ATRNL1: variants seen among roughly 807,000 people sequenced by gnomAD.
ATRNL1 encodes attractin-like protein 1.
A neutral mutation model predicts 182.7 loss-of-function variants in ATRNL1; 95 were observed. The observed-to-expected ratio is 0.52, with a 90% CI of 0.44 to 0.62. ATRNL1 has a LOEUF of 0.62. ATRNL1 is among the 20% of genes least tolerant of loss of function. ATRNL1 has a pLI of 0.00. For synonymous variants in ATRNL1, 576 were observed against 568.3 expected, an observed-to-expected ratio of 1.01 and a Z score of -0.19; for missense variants, 1,471 against 1,679.5, an observed-to-expected ratio of 0.88 and a Z score of 2.17.
chr10:115,115,994 G>T (rs1554869846), intron 1 of ATRNL1, among the ~76,000 whole-genome samples: 2 of 152,056 alleles, frequency 1.3e-5, no homozygotes, highest in African/African-American at 4.8e-5. Context: ...TATTGACAAG[G>T]CATATGGATA....
At chr10:115,798,823 C>CTTTTTTTTTTTTTTTTTTTT (rs1252402876) in intron 27 of ATRNL1, among the ~76,000 whole-genome samples, 1 of 122,000 alleles carries the variant, frequency 8.2e-6, no homozygotes. Flanking sequence ...TCTTTTTTTT[C>CTTTTTTTTTTTTTTTTTTTT]TTTTTTCTTT....
chr10:115,703,882 C>T (rs1435939715), intron 26 of ATRNL1, among the ~76,000 whole-genome samples: 3 of 151,792 alleles, frequency 2.0e-5, no homozygotes, highest in South Asian at 2.1e-4. Context: ...TAGATTTAGG[C>T]CTCTTATCAA....
intron 27 of ATRNL1, among the ~76,000 whole-genome samples, chr10:115,816,615 GACACACACAC>G (rs35920402): frequency 6.7e-6 from 1 of 150,140 alleles, no homozygotes; most frequent in South Asian, 2.1e-4. Flanking sequence ...GACACACACA[GACACACACAC>G]ACACACACAC....
At chr10:115,766,815 A>G (rs1354173109) in intron 27 of ATRNL1, among the ~76,000 whole-genome samples, 24 of 152,206 alleles carry the variant, frequency 1.6e-4, no homozygotes, top group Non-Finnish European at 1.2e-4. Context: ...CTTCTCTAGA[A>G]TTATATCAAC....
Position 115,824,956 on chromosome 10 carries a change from C to G in ATRNL1, c.3904-22921C>G, listed in dbSNP as rs183933117. Among the ~76,000 whole-genome samples, 353 of 152,240 alleles carry G rather than the reference C, an allele frequency of 2.3e-3. 1 individual carries two copies. Among genetic ancestry groups the G allele is most frequent in the African/African-American group, 8.2e-3 (340 of 41,548 alleles). Reference sequence around the variant, plus strand: ...ACATGCTCACATATGTTTATTGCAGCACTGTTCACAATAGCAAAGACTTGG... The same window carrying G: ...ACATGCTCACATATGTTTATTGCAGGACTGTTCACAATAGCAAAGACTTGG... On this transcript the variant is annotated intron_variant, in intron 27 of 28. Transcript: ENST00000355044.
intron 19 of ATRNL1, among the ~76,000 whole-genome samples, chr10:115,345,238 T>C (rs1338791151): frequency 6.6e-6 from 1 of 152,248 alleles, no homozygotes; most frequent in African/African-American, 2.4e-5. Flanking sequence ...CAGAGCATTT[T>C]AGCCCTTGGT....
chr10:115,555,827 A>G (rs1853282401), intron 26 of ATRNL1, among the ~76,000 whole-genome samples: 1 of 152,056 alleles, frequency 6.6e-6, no homozygotes, highest in East Asian at 1.9e-4. Flanking sequence ...ATATAAACAA[A>G]TAGTCAAATA....
chr10:115,705,698 T>C (rs751228049), intron 26 of ATRNL1, among the ~76,000 whole-genome samples: 1 of 151,942 alleles, frequency 6.6e-6, no homozygotes, highest in Non-Finnish European at 1.5e-5. Flanking sequence ...AATATGCATG[T>C]CCTATAAGAT....
rs571438574 is a variant in ATRNL1, at chr10:115,106,518, T to G, written c.293+12475T>G. On this transcript the variant is annotated intron_variant, in intron 1 of 28. Transcript: ENST00000355044. Reference sequence around the variant, plus strand: ...TGATATGGTTTGGCTGTGTTCCCATTCAAGCCTCAGTTTGAATTGTATCTC... The same window carrying G: ...TGATATGGTTTGGCTGTGTTCCCATGCAAGCCTCAGTTTGAATTGTATCTC... Among the ~76,000 whole-genome samples the G allele has an allele frequency of 2.6e-5, 4 of 152,318 alleles. No homozygotes were observed. The South Asian group carries it at 8.3e-4, about 32-fold the overall frequency.
At chr10:115,128,207 GA>G (rs1845058856) in intron 4 of ATRNL1, among the ~76,000 whole-genome samples, 1 of 152,088 alleles carries the variant, frequency 6.6e-6, no homozygotes, top group African/African-American at 2.4e-5. Context: ...GACACATGAG[GA>G]AATTGTGGCT....
intron 27 of ATRNL1, among the ~76,000 whole-genome samples, chr10:115,766,209 G>A (rs1555075023): frequency 6.6e-6 from 1 of 152,162 alleles, no homozygotes; most frequent in African/African-American, 2.4e-5. Context: ...AATCATAGAA[G>A]TCAAATTGCT....
chr10:115,224,716 A>ATT (rs1564833754), intron 9 of ATRNL1, among the ~76,000 whole-genome samples: 3 of 152,216 alleles, frequency 2.0e-5, no homozygotes, highest in Non-Finnish European at 2.9e-5. Context: ...TATGACCGTA[A>ATT]ATTTGAAAAA....
chr10:115,817,486 C>T (rs1243456375), intron 27 of ATRNL1, among the ~76,000 whole-genome samples: 2 of 151,904 alleles, frequency 1.3e-5, no homozygotes, highest in African/African-American at 4.8e-5. Flanking sequence ...GAGACACAGC[C>T]TTTTATCTGA....
intron 19 of ATRNL1, among the ~76,000 whole-genome samples, chr10:115,348,967 C>T (rs1208793467): frequency 5.9e-5 from 9 of 152,126 alleles, no homozygotes; most frequent in African/African-American, 1.9e-4. Flanking sequence ...TGTGAATGCT[C>T]CAAGTCTACT....
chr10:115,944,461 C>G (rs1482827147), intron 28 of ATRNL1, among the ~76,000 whole-genome samples, 197 bp from the exon 29 acceptor site: 2 of 152,084 alleles, frequency 1.3e-5, no homozygotes, highest in African/African-American at 4.8e-5. Context: ...GATCTTTCTT[C>G]TTCTTCCTTG....
chr10:115,471,067 GTTTA>G, intron 24 of ATRNL1, among the ~76,000 whole-genome samples: 1 of 150,590 alleles, frequency 6.6e-6, no homozygotes, highest in East Asian at 1.9e-4. Context: ...TGACTGACTT[GTTTA>G]TTTAGCATCA....
At chr10:115,524,878 T>C (rs560510794) in intron 25 of ATRNL1, among the ~76,000 whole-genome samples, 3 of 152,324 alleles carry the variant, frequency 2.0e-5, no homozygotes, top group African/African-American at 7.2e-5. Context: ...TGGCTATCTG[T>C]GTCTAATGGG....
chr10:115,805,847 T>G (rs1213210729), intron 27 of ATRNL1, among the ~76,000 whole-genome samples: 1 of 152,128 alleles, frequency 6.6e-6, no homozygotes, highest in Non-Finnish European at 1.5e-5. Context: ...ATGGAATAGA[T>G]TTTTGCATTC....
chr10:115,299,666 G>T (rs562654820), intron 15 of ATRNL1, among the ~76,000 whole-genome samples: 1 of 151,894 alleles, frequency 6.6e-6, no homozygotes, highest in South Asian at 2.1e-4. Flanking sequence ...TACATTGATA[G>T]TAGTAATAGT....
Sources: allele counts gnomAD v4.1 joint callset (sites outside exome capture counted in the v4.1 genomes callset), GRCh38; gene constraint gnomAD v4.1.1; transcripts MANE v1.5; gene names NCBI Gene and HGNC (gene_info 2026-07-23, HGNC 2026-07-21).